PDE4D: variants seen among roughly 807,000 people sequenced by gnomAD.
PDE4D encodes 3',5'-cyclic-AMP phosphodiesterase 4D.
In PDE4D, 24 loss-of-function variants were observed where a neutral mutation model predicts 87.4. The ratio of observed to expected loss-of-function variants is 0.27; its 90% CI spans 0.20 to 0.39. PDE4D has a LOEUF of 0.39. Ranked by LOEUF, PDE4D falls within the 10% of genes least tolerant of loss-of-function variation. The probability of loss-of-function intolerance (pLI) is 1.00; values close to 1 mark genes in which losing one functional copy is unlikely to be tolerated. For missense variants in PDE4D, 714 were observed against 1,041.0 expected (o/e 0.69, Z 4.32); for synonymous variants, 384 against 383.2 (o/e 1.00, Z -0.02).
chr5:59,566,832 AC>A (rs991499336), intron 1 of PDE4D, among the ~76,000 whole-genome samples: 2 of 151,870 alleles, frequency 1.3e-5, no homozygotes, highest in African/African-American at 4.8e-5. Context: ...CATTTTGTCT[AC>A]CCTAAGTATT....
chr5:59,632,954 G>T lies in PDE4D; in HGVS notation c.455+260214C>A, dbSNP rs375384425. 2.2e-4 allele frequency among the ~76,000 whole-genome samples: 33 copies of T among 152,258 alleles called. No homozygotes were observed. In the South Asian group the frequency reaches 6.8e-3, roughly 32 times the overall value. On this transcript the variant is annotated intron_variant, in intron 1 of 14. Transcript: ENST00000340635. ...AAACTCCTCCAAGCTAAAAAAGTAT[G>T]TTCTAACCTAATGCAAGGAAGCTAA...
intron 1 of PDE4D, among the ~76,000 whole-genome samples, chr5:59,598,166 T>C (rs1218827328): frequency 6.6e-6 from 1 of 152,198 alleles, no homozygotes. Context: ...GAATATAATG[T>C]GATTTTATCT....
intron 1 of PDE4D, among the ~76,000 whole-genome samples, chr5:59,386,543 G>T (rs1787044384): frequency 1.2e-5 from 1 of 86,628 alleles, no homozygotes; most frequent in African/African-American, 3.4e-5. Flanking sequence ...GCCTGGGCAT[G>T]GTGGCTCATG....
chr5:58,972,142 TACTA>T lies in PDE4D; in HGVS notation c.*2518_*2521del, dbSNP rs1451206545. 4 of 152,538 alleles carry T rather than the reference TACTA, an allele frequency of 2.6e-5. No homozygotes were observed. Among genetic ancestry groups the T allele is most frequent in the African/African-American group, 7.2e-5 (3 of 41,446 alleles). The allele number at this position is 152,538 out of a possible 1,614,324, so 9.4% of individuals were successfully genotyped here. A position where few individuals can be genotyped will look rare whatever the true frequency, so the allele number is the denominator to read the frequency against. ...GATTCTAGGCACTCTGTGGGGGAAA[TACTA>T]AGTGTAGGGAGGAGAGGAATGAGAA... On this transcript the variant is annotated 3_prime_UTR_variant, in exon 15 of 15. Transcript: ENST00000340635.
At chr5:60,301,216 C>T (rs1006840651) in intron 1 of PDE4D, among the ~76,000 whole-genome samples, 10 of 152,068 alleles carry the variant, frequency 6.6e-5, no homozygotes, top group South Asian at 4.1e-4. Context: ...TGGTTCCATA[C>T]GAATTTTAAA....
rs1056783299 is a variant in PDE4D at position 59,351,644 on chromosome 5, G to C, written c.456-135676C>G. On this transcript the variant is annotated intron_variant, in intron 1 of 14. Transcript: ENST00000340635. ...ATGAAGCAAAAGCCAGGAGGGGGCA[G>C]AAGCAGACAATATAAAATAACGGAT... Among the ~76,000 whole-genome samples the C allele has an allele frequency of 2.5e-4, 38 of 152,158 alleles. 1 individual carries two copies. Among genetic ancestry groups the C allele is most frequent in the Non-Finnish European group, 1.5e-5 (1 of 68,022 alleles).
Position 60,090,463 on chromosome 5 carries a change from T to G in PDE4D, c.42+95094A>C, listed in dbSNP as rs1775007882. Among the ~76,000 whole-genome samples, 3 of 152,166 alleles carry G rather than the reference T, an allele frequency of 2.0e-5. No individual in the cohort carries two copies. In the South Asian group the frequency reaches 6.2e-4, roughly 32 times the overall value. ...TTTCAATAGATGCTGAAAAAGCATT[T>G]GATAAAATTTGACATTCCTTCATGA... On this transcript the variant is annotated intron_variant, in intron 2 of 16. Transcript: ENST00000502484.
At chr5:60,253,758 G>A (rs1156687672) in intron 1 of PDE4D, among the ~76,000 whole-genome samples, 1 of 151,832 alleles carries the variant, frequency 6.6e-6, no homozygotes, top group Non-Finnish European at 1.5e-5. Context: ...CTAAAGTCAA[G>A]AGTATGAAAT....
intron 3 of PDE4D, among the ~76,000 whole-genome samples, chr5:59,970,737 G>A (rs932669141): frequency 4.7e-5 from 7 of 147,924 alleles, no homozygotes; most frequent in Non-Finnish European, 7.5e-5. Context: ...GGAGAAATAG[G>A]AACACTTTTA....
At chr5:59,093,205 G>A (rs903490775) in intron 5 of PDE4D, among the ~76,000 whole-genome samples, 3 of 152,192 alleles carry the variant, frequency 2.0e-5, no homozygotes, top group Non-Finnish European at 4.4e-5. Flanking sequence ...AAGACTTACT[G>A]CTTGGAGGCA....
chr5:60,209,042 T>C (rs901795939), intron 1 of PDE4D, among the ~76,000 whole-genome samples: 11 of 152,056 alleles, frequency 7.2e-5, no homozygotes, highest in African/African-American at 2.7e-4. Flanking sequence ...TATCAACTGA[T>C]TTAAAGCCAG....
At chr5:59,576,962 C>G (rs181368117) in intron 1 of PDE4D, among the ~76,000 whole-genome samples, 275 of 152,238 alleles carry the variant, frequency 1.8e-3, no homozygotes, top group African/African-American at 6.0e-3. Flanking sequence ...TCTCAATTTG[C>G]CCACTGTCAC....
At chr5:59,444,541 G>T (rs1798075866) in intron 1 of PDE4D, among the ~76,000 whole-genome samples, 1 of 152,122 alleles carries the variant, frequency 6.6e-6, no homozygotes, top group African/African-American at 2.4e-5. Flanking sequence ...AGTCGGGCGC[G>T]GTGGCTCACG....
rs1437632038 is a variant in PDE4D, at chr5:59,397,187, C to A, written c.456-181219G>T. On this transcript the variant is annotated intron_variant, in intron 1 of 14. Coordinates refer to ENST00000340635, the MANE Select transcript of PDE4D (RefSeq NM_001104631.2). ...ACAGATCAACGAGACAGAAAGTCAA[C>A]AAGGATACCCAGGAATTGAACTCAG... Among the ~76,000 whole-genome samples the A allele has an allele frequency of 2.2e-4, 26 of 116,780 alleles. 8 individuals carry two copies. The highest frequency in any genetic ancestry group is 8.3e-4 in the African/African-American group (24 of 28,854). The allele number at this position is 116,780 out of a possible 152,430, so 76.6% of individuals were successfully genotyped here.
chr5:60,207,619 A>G (rs1431650086), intron 1 of PDE4D, among the ~76,000 whole-genome samples: 2 of 152,256 alleles, frequency 1.3e-5, no homozygotes, highest in African/African-American at 4.8e-5. Flanking sequence ...CACTGTTTTT[A>G]TAAGAATTAA....
chr5:59,450,276 G>A (rs751998082), intron 1 of PDE4D, among the ~76,000 whole-genome samples: 2 of 152,170 alleles, frequency 1.3e-5, no homozygotes, highest in Non-Finnish European at 1.5e-5. Context: ...GTCTTTCTCT[G>A]ACCTATGAAC....
At chr5:60,071,060 C>T (rs1167911131) in intron 2 of PDE4D, among the ~76,000 whole-genome samples, 3 of 151,780 alleles carry the variant, frequency 2.0e-5, no homozygotes, top group African/African-American at 7.3e-5. Context: ...TTATTTGAGG[C>T]ATCGCTCTTT....
chr5:60,234,027 A>G (rs768791778), intron 1 of PDE4D, among the ~76,000 whole-genome samples: 27 of 151,840 alleles, frequency 1.8e-4, no homozygotes, highest in Non-Finnish European at 3.5e-4. Context: ...CGTTTCTACA[A>G]TATTCAAAGT....
chr5:59,499,634 A>G (rs1382730025), intron 1 of PDE4D, among the ~76,000 whole-genome samples: 1 of 152,154 alleles, frequency 6.6e-6, no homozygotes, highest in African/African-American at 2.4e-5. Context: ...CTCAGAGACT[A>G]CTATGTACAT....
Sources: gnomAD v4.1 joint callset for allele counts (sites outside exome capture counted in the v4.1 genomes callset) on GRCh38, gnomAD v4.1.1 for gene constraint, MANE v1.5 for transcripts, NCBI Gene and HGNC (gene_info 2026-07-23, HGNC 2026-07-21) for gene names.